The following TOM1L2 variants were observed in gnomAD, a reference collection of about 807,000 sequenced individuals.
TOM1L2 encodes target of myb1 like 2 membrane trafficking protein.
In TOM1L2, 31 loss-of-function variants were observed where a neutral mutation model predicts 67.9. That is an observed-to-expected ratio of 0.46 (90% CI 0.34 to 0.62). The LOEUF is 0.62. Ranked by LOEUF, TOM1L2 falls within the 20% of genes least tolerant of loss-of-function variation. TOM1L2 has a pLI of 0.01. For synonymous variants in TOM1L2, 256 were observed against 254.0 expected (o/e 1.01, Z -0.07); for missense variants, 606 against 663.5 (o/e 0.91, Z 0.95).
intron 12 of TOM1L2, among the ~76,000 whole-genome samples, chr17:17,861,150 G>A (rs143521789): frequency 2.0e-5 from 3 of 152,324 alleles, no homozygotes; most frequent in Non-Finnish European, 4.4e-5. Flanking sequence ...AACAGCAGGG[G>A]TTCTGGAAAT....
intron 3 of TOM1L2, among the ~76,000 whole-genome samples, chr17:17,894,975 A>ATGCATGCATG (rs1555598777): frequency 8.8e-5 from 13 of 147,800 alleles, no homozygotes; most frequent in Non-Finnish European, 1.3e-4. Flanking sequence ...ATACATACAT[A>ATGCATGCATG]CATGCATGCA....
At chr17:17,948,127 G>A (rs2041032524) in intron 1 of TOM1L2, among the ~76,000 whole-genome samples, 1 of 152,186 alleles carries the variant, frequency 6.6e-6, no homozygotes, top group African/African-American at 2.4e-5. Flanking sequence ...ATGATACAAT[G>A]TTTGTCTTTC....
rs549525209 is a variant in TOM1L2, at chr17:17,869,396, G to A, written c.855C>T (p.Thr285=). 46 of 1,613,440 alleles carry A rather than the reference G, an allele frequency of 2.9e-5. No individual in the cohort carries two copies. In the South Asian group the frequency reaches 4.5e-4, roughly 16 times the overall value. Residue 285 remains threonine (T), a synonymous_variant, in exon 8 of 15, where the codon ACC becomes ACT. Coordinates refer to ENST00000379504, the MANE Select transcript of TOM1L2 (RefSeq NM_001082968.2). ...LISRVSNEEV[T]EELLHVNDDL... ...CATCGTTCACATGCAGCAGCTCCTC[G>A]GTGACCTCCTCATTGGACACGCGGG...
At chr17:17,857,842 G>C (rs570082658) in intron 12 of TOM1L2, 2 of 1,535,642 alleles carry the variant, frequency 1.3e-6, no homozygotes, top group African/African-American at 1.4e-5. Flanking sequence ...CTTCTGGGCC[G>C]AGGACAGAAA....
Position 17,847,553 on chromosome 17 carries a change from G to A in TOM1L2, c.*82C>T. ...CAGGTGTGCAGGCCGTGTGGAGCTGGGGATGTAGGAGTGGCCAGTGCCCGG... is the reference window on the plus strand; with the variant it reads ...CAGGTGTGCAGGCCGTGTGGAGCTGAGGATGTAGGAGTGGCCAGTGCCCGG... On this transcript the variant is annotated 3_prime_UTR_variant, in exon 15 of 15. Transcript: ENST00000379504. 2 of 1,509,664 alleles carry A rather than the reference G, an allele frequency of 1.3e-6. No individual in the cohort carries two copies. The highest frequency in any genetic ancestry group is 1.8e-6 in the Non-Finnish European group (2 of 1,129,522). 93.5% of individuals were successfully genotyped at this position (1,509,664 alleles called of 1,614,324 possible).
intron 1 of TOM1L2, among the ~76,000 whole-genome samples, chr17:17,922,816 G>A (rs542364271): frequency 6.6e-6 from 1 of 152,338 alleles, no homozygotes; most frequent in Admixed American, 6.5e-5. Context: ...CGGAATTCCA[G>A]CGGGGAAGCA....
At position 17,879,659 on chromosome 17, in the gene TOM1L2, G is replaced by A. The variant is rs1175431247; in HGVS notation, c.745C>T (p.Gln249Ter). 1.9e-6 allele frequency: 3 copies of A among 1,614,062 alleles called. No homozygotes were observed. The highest frequency in any genetic ancestry group is 2.7e-5 in the African/African-American group (2 of 74,928). ...AACTCCAGATCAGATGAATCCTCCT[G>A]TCCAGGGACCATTTCTGTTAACATC... is the stretch of plus-strand genomic sequence containing the variant. ...SEMLTEMVPG[Q>*]EDSSDLELLQ... The change falls in exon 7 of 15, where the codon CAG becomes TAG. Residue 249 changes from glutamine to a stop codon, truncating the protein, a stop_gained. Coordinates refer to ENST00000379504, the MANE Select transcript of TOM1L2 (RefSeq NM_001082968.2). LOFTEE classifies it high-confidence loss of function.
chr17:17,926,176 GA>G (rs57599370), intron 1 of TOM1L2, among the ~76,000 whole-genome samples: 3,567 of 103,074 alleles, frequency 0.035, 133 homozygotes, highest in African/African-American at 0.11. Flanking sequence ...GTCTCTTGGA[GA>G]AAAAAAAAAA....
intron 1 of TOM1L2, among the ~76,000 whole-genome samples, chr17:17,953,599 C>T (rs2041301348): frequency 6.6e-6 from 1 of 152,208 alleles, no homozygotes; most frequent in Non-Finnish European, 1.5e-5. Flanking sequence ...GAAACCTGTG[C>T]CCCACAGCAT....
chr17:17,941,854 G>C (rs1029492615), intron 1 of TOM1L2, among the ~76,000 whole-genome samples: 2 of 152,208 alleles, frequency 1.3e-5, no homozygotes, highest in Admixed American at 1.3e-4. Context: ...GCCAGGCGCA[G>C]TGGCATGCAC....
chr17:17,908,979 G>A (rs1256877105), intron 1 of TOM1L2, among the ~76,000 whole-genome samples: 2 of 152,102 alleles, frequency 1.3e-5, no homozygotes, highest in South Asian at 2.1e-4. Context: ...TCAGGAGATC[G>A]AGACCATCTG....
Position 17,882,761 on chromosome 17 carries a change from C to A in TOM1L2, c.604G>T (p.Ala202Ser), listed in dbSNP as rs775520074. ...YSSPPPAPYS[A>S]PQAPALSVTG... ...ACACTCAGAGCTGGGGCCTGCGGTG[C>A]GGAGTAGGGAGCAGGAGGCGGCGAG... The change falls in exon 6 of 15, where the codon GCA becomes TCA. Residue 202 changes from alanine to serine, a missense_variant. By Grantham distance (99) the Ala-to-Ser change is moderately conservative. This residue lies in a region of TOM1L2 where 543 missense variants were observed against 554.0 expected (regional missense o/e 0.98). Transcript: ENST00000379504. 1.4e-5 allele frequency: 22 copies of A among 1,614,056 alleles called. No homozygotes were observed. Among genetic ancestry groups the A allele is most frequent in the South Asian group, 8.8e-5 (8 of 91,082 alleles).
chr17:17,901,171 A>C (rs753428300), intron 2 of TOM1L2, among the ~76,000 whole-genome samples: 8 of 152,204 alleles, frequency 5.3e-5, no homozygotes, highest in Non-Finnish European at 1.0e-4. Flanking sequence ...GCAAGTATTT[A>C]TCTCTCTCCC....
Position 17,901,921 on chromosome 17 carries a change from C to T in TOM1L2, c.138-3247G>A, listed in dbSNP as rs528403106. On this transcript the variant is annotated intron_variant, in intron 2 of 14. Transcript: ENST00000379504. ...AGTCCCAGCTGGGTGCTCTGGCTCA[C>T]GCCTGTAATCCCAGCACTTTAGAAG... Among the ~76,000 whole-genome samples the T allele has an allele frequency of 1.2e-4, 18 of 152,298 alleles. No individual in the cohort carries two copies. The East Asian group carries it at 1.9e-3, about 16-fold the overall frequency.
chr17:17,910,123 G>A (rs1013379855), intron 1 of TOM1L2, among the ~76,000 whole-genome samples: 16 of 152,194 alleles, frequency 1.1e-4, no homozygotes, highest in Non-Finnish European at 8.8e-5. Context: ...ATTATACATA[G>A]GTCAATGGAC....
chr17:17,957,632 T>G (rs1257067990), intron 1 of TOM1L2, among the ~76,000 whole-genome samples: 1 of 150,800 alleles, frequency 6.6e-6, no homozygotes, highest in African/African-American at 2.4e-5. Flanking sequence ...AAAATATATA[T>G]AAAGTATAAC....
chr17:17,907,257 G>A (rs914092950), intron 2 of TOM1L2, among the ~76,000 whole-genome samples, 190 bp downstream of exon 2: 16 of 152,262 alleles, frequency 1.1e-4, no homozygotes, highest in African/African-American at 2.9e-4. Flanking sequence ...TCCAAGCACT[G>A]CCATTGGGCA....
At chr17:17,937,975 G>A (rs8078368) in intron 1 of TOM1L2, among the ~76,000 whole-genome samples, 3,676 of 152,244 alleles carry the variant, frequency 0.024, 131 homozygotes, top group African/African-American at 0.073. Flanking sequence ...TCACAGAAAG[G>A]TCTCCACTGA....
chr17:17,905,177 C>G (rs1424237715), intron 2 of TOM1L2, among the ~76,000 whole-genome samples: 2 of 152,210 alleles, frequency 1.3e-5, no homozygotes, highest in Non-Finnish European at 2.9e-5. Flanking sequence ...AGCTGATCAC[C>G]TATATTTAGC....
Sources: allele counts gnomAD v4.1 joint callset (sites outside exome capture counted in the v4.1 genomes callset), GRCh38; gene constraint gnomAD v4.1.1; regional missense constraint gnomAD v4.1.1; transcripts MANE v1.5; gene names NCBI Gene and HGNC (gene_info 2026-07-23, HGNC 2026-07-21).